The following RYR2 variants were observed in gnomAD, a reference collection of about 807,000 sequenced individuals.
The protein encoded by RYR2 is ryanodine receptor 2.
RYR2 carries 227 observed loss-of-function variants against 601.1 expected under a neutral mutation model. The observed-to-expected ratio is 0.38, with a 90% CI of 0.34 to 0.42. The LOEUF (loss-of-function observed/expected upper bound fraction) is 0.42. RYR2 is among the 10% of genes least tolerant of loss of function. The probability of loss-of-function intolerance (pLI) is 1.00; values close to 1 mark genes in which losing one functional copy is unlikely to be tolerated. For missense variants in RYR2, 4,646 were observed against 6,156.5 expected (o/e 0.75, Z 8.21); for synonymous variants, 2,223 against 2,175.1 (o/e 1.02, Z -0.61).
In RYR2 at chr1:237,365,136, T is replaced by TA. The variant is rs530404683; in HGVS notation, c.309+765dup. Among the ~76,000 whole-genome samples the TA allele has an allele frequency of 1.1e-4, 16 of 152,330 alleles. 1 individual carries two copies. In the South Asian group the frequency reaches 3.1e-3, roughly 30 times the overall value. ...TAACATTTATGGGGTTTAATTTTTT[T>TA]ATCTTAAAAGCCAAGAAACAATGGG... On this transcript the variant is annotated intron_variant, in intron 5 of 104. Transcript: ENST00000366574.
intron 83 of RYR2, among the ~76,000 whole-genome samples, 194 bp from the exon 84 acceptor site, chr1:237,760,761 G>A (rs1333106592): frequency 2.0e-5 from 3 of 152,110 alleles, no homozygotes; most frequent in African/African-American, 7.2e-5. Flanking sequence ...GATCATTTCA[G>A]TGTAGGCCCA....
At chr1:237,779,053 A>G (rs557752553) in intron 88 of RYR2, among the ~76,000 whole-genome samples, 1 of 152,192 alleles carries the variant, frequency 6.6e-6, no homozygotes, top group Non-Finnish European at 1.5e-5. Flanking sequence ...CGAGTCCCCA[A>G]ACATTGTACA....
chr1:237,410,755 A>G (rs1704370605), intron 10 of RYR2, among the ~76,000 whole-genome samples: 1 of 152,146 alleles, frequency 6.6e-6, no homozygotes, highest in African/African-American at 2.4e-5. Flanking sequence ...GGTGGGTGTC[A>G]AGTCCAACAG....
chr1:237,637,370 A>G (rs1680981206), intron 44 of RYR2, among the ~76,000 whole-genome samples: 1 of 152,212 alleles, frequency 6.6e-6, no homozygotes, highest in Admixed American at 6.5e-5. Flanking sequence ...GAAATATTGT[A>G]GAGGACTAAC....
intron 1 of RYR2, among the ~76,000 whole-genome samples, chr1:237,083,345 TG>T (rs1665960367): frequency 6.6e-6 from 1 of 152,206 alleles, no homozygotes; most frequent in South Asian, 2.1e-4. Context: ...ATGTGCTTAG[TG>T]GTTCTCATGC....
chr1:237,589,064 T>C (rs1197241357), intron 29 of RYR2, among the ~76,000 whole-genome samples: 2 of 152,220 alleles, frequency 1.3e-5, no homozygotes, highest in Non-Finnish European at 2.9e-5. Context: ...AAATATTTTA[T>C]TGGTTTTTGC....
intron 80 of RYR2, among the ~76,000 whole-genome samples, chr1:237,754,683 A>G (rs1428969128): frequency 6.6e-6 from 1 of 152,246 alleles, no homozygotes; most frequent in Non-Finnish European, 1.5e-5. Flanking sequence ...GAGCTCTGGC[A>G]ATGGGAGGAA....
chr1:237,683,191 A>G (rs1037630729), intron 62 of RYR2, among the ~76,000 whole-genome samples: 3 of 152,260 alleles, frequency 2.0e-5, no homozygotes, highest in Admixed American at 6.5e-5. Context: ...CATGATAAAC[A>G]CTATGATAAT....
Position 237,527,028 on chromosome 1 carries a change from A to T in RYR2, c.2823-3399A>T, listed in dbSNP as rs143205020. ...TTCATTCTTCCGCATATGGCTAGCC[A>T]TTTTTTCCAGCACCATTTATTGAAG... On this transcript the variant is annotated intron_variant, in intron 24 of 104. Transcript: ENST00000366574. Among the ~76,000 whole-genome samples, 5 of 152,126 alleles carry T rather than the reference A, an allele frequency of 3.3e-5. No individual in the cohort carries two copies. In the East Asian group the frequency reaches 9.6e-4, roughly 29 times the overall value.
Position 237,456,110 on chromosome 1 carries a change from G to T in RYR2, c.1477-490G>T, listed in dbSNP as rs1356326904. 2.0e-5 allele frequency among the ~76,000 whole-genome samples: 3 copies of T among 151,972 alleles called. No individual in the cohort carries two copies. The East Asian group carries it at 5.8e-4, about 29-fold the overall frequency. ...GGTTTGCCACGCTTTTTACAACCTTGATCTACCAATAATAATAAAAATAAA... is the reference window on the plus strand; with the variant it reads ...GGTTTGCCACGCTTTTTACAACCTTTATCTACCAATAATAATAAAAATAAA... On this transcript the variant is annotated intron_variant, in intron 15 of 104. Coordinates refer to ENST00000366574, the MANE Select transcript of RYR2 (RefSeq NM_001035.3).
chr1:237,466,216 A>G (rs1660073324), intron 16 of RYR2, among the ~76,000 whole-genome samples: 1 of 151,994 alleles, frequency 6.6e-6, no homozygotes, highest in South Asian at 2.1e-4. Flanking sequence ...CCCAGGGTGG[A>G]GTGTAGTGGT....
intron 1 of RYR2, among the ~76,000 whole-genome samples, chr1:237,099,854 C>T (rs1305545154): frequency 1.3e-5 from 2 of 149,430 alleles, no homozygotes; most frequent in African/African-American, 2.5e-5. Flanking sequence ...TTTTTTTTCA[C>T]CAATTTACAA....
At chr1:237,799,888 G>T (rs1659744176) in intron 97 of RYR2, 1 of 152,172 alleles carries the variant, frequency 6.6e-6, no homozygotes, top group Non-Finnish European at 1.5e-5. Context: ...GGGGAGGAAA[G>T]GAGCTCATGT....
At chr1:237,358,319 A>G (rs1699473335) in intron 4 of RYR2, among the ~76,000 whole-genome samples, 1 of 152,122 alleles carries the variant, frequency 6.6e-6, no homozygotes, top group Non-Finnish European at 1.5e-5. Flanking sequence ...AGGGACGGAT[A>G]TCTGGGAAGC....
At chr1:237,683,966 C>T (rs1421158628) in intron 62 of RYR2, among the ~76,000 whole-genome samples, 1 of 151,946 alleles carries the variant, frequency 6.6e-6, no homozygotes, top group African/African-American at 2.4e-5. Flanking sequence ...CTCACTCTGT[C>T]GCCCAGGCTG....
At chr1:237,439,540 A>C (rs543016916) in intron 12 of RYR2, among the ~76,000 whole-genome samples, 1 of 152,098 alleles carries the variant, frequency 6.6e-6, no homozygotes, top group East Asian at 1.9e-4. Flanking sequence ...GCTACTCGGG[A>C]GGCTGAGACA....
intron 51 of RYR2, among the ~76,000 whole-genome samples, chr1:237,653,171 T>C (rs556521814): frequency 6.6e-6 from 1 of 152,110 alleles, no homozygotes; most frequent in African/African-American, 2.4e-5. Flanking sequence ...AGGAGCAACG[T>C]AGACAATCAG....
intron 73 of RYR2, among the ~76,000 whole-genome samples, chr1:237,718,940 AG>A (rs1210295364): frequency 6.6e-6 from 1 of 152,124 alleles, no homozygotes; most frequent in Non-Finnish European, 1.5e-5. Context: ...GAGGAGTTTT[AG>A]GGTCTTTTGG....
chr1:237,316,455 G>C (rs1034780231), intron 2 of RYR2, among the ~76,000 whole-genome samples: 3 of 152,008 alleles, frequency 2.0e-5, no homozygotes, highest in African/African-American at 7.2e-5. Context: ...AATATCTCTG[G>C]TGATATCTTA....
Sources: gnomAD v4.1 joint callset for allele counts (sites outside exome capture counted in the v4.1 genomes callset) on GRCh38, gnomAD v4.1.1 for gene constraint, MANE v1.5 for transcripts, NCBI Gene and HGNC (gene_info 2026-07-23, HGNC 2026-07-21) for gene names.